Variants in MYBPC1 observed in about 807,000 individuals in gnomAD.
The protein encoded by MYBPC1 is myosin binding protein C1, also known as myosin-binding protein C, slow-type.
A neutral mutation model predicts 147.1 loss-of-function variants in MYBPC1; 52 were observed. That is an observed-to-expected ratio of 0.35 (90% CI 0.28 to 0.45). The LOEUF is 0.45. MYBPC1 is among the 20% of genes least tolerant of loss of function. The pLI is 1.00. For missense variants in MYBPC1, 1,228 were observed against 1,440.3 expected, an observed-to-expected ratio of 0.85 and a Z score of 2.39; for synonymous variants, 477 against 475.9, an observed-to-expected ratio of 1.00 and a Z score of -0.03.
chr12:101,632,860 G>T (rs1434728871), intron 8 of MYBPC1, among the ~76,000 whole-genome samples: 2 of 152,138 alleles, frequency 1.3e-5, no homozygotes, highest in Non-Finnish European at 2.9e-5. Context: ...CTCCCAAATA[G>T]CTGGGATTAC....
chr12:101,599,313 T>C (rs898073412), intron 1 of MYBPC1, among the ~76,000 whole-genome samples: 4 of 152,178 alleles, frequency 2.6e-5, no homozygotes, highest in African/African-American at 7.2e-5. Flanking sequence ...AGTTTTGTTG[T>C]TGTTGTTGTT....
intron 16 of MYBPC1, among the ~76,000 whole-genome samples, chr12:101,651,681 C>A (rs1163377467): frequency 1.3e-5 from 2 of 152,312 alleles, no homozygotes; most frequent in South Asian, 4.2e-4. Context: ...TGGCTCATGC[C>A]TGTAATCCCA....
intron 6 of MYBPC1, among the ~76,000 whole-genome samples, chr12:101,629,866 C>T (rs1889519058): frequency 6.6e-6 from 1 of 151,354 alleles, no homozygotes; most frequent in Admixed American, 6.6e-5. Flanking sequence ...GAGCAAGCCT[C>T]TGTCTCCAAA....
At chr12:101,622,851 A>G (rs1001984132) in intron 3 of MYBPC1, among the ~76,000 whole-genome samples, 2 of 152,206 alleles carry the variant, frequency 1.3e-5, no homozygotes, top group Non-Finnish European at 2.9e-5. Context: ...TGAATCCAAG[A>G]TTGCCAATTG....
chr12:101,667,945 C>T, intron 23 of MYBPC1, 46 bp downstream of exon 23: 3 of 1,589,444 alleles, frequency 1.9e-6, no homozygotes, highest in South Asian at 1.1e-5. Flanking sequence ...TTACATGGTT[C>T]ACTTTTTTTT....
chr12:101,693,226 G>T, the MYBPC1 span, among the ~76,000 whole-genome samples: 1 of 152,084 alleles, frequency 6.6e-6, no homozygotes, highest in Non-Finnish European at 1.5e-5. Flanking sequence ...GATTACAGGC[G>T]TGAGCCACCG....
Position 101,685,575 on chromosome 12 carries a change from T to C in MYBPC1, c.*20-7T>C. ...GATTTGTCTGTTTTCCTTTTGGTCCTCTCTAGGTGGGCTCTCCTTCTGCAG... is the reference window on the plus strand; with the variant it reads ...GATTTGTCTGTTTTCCTTTTGGTCCCCTCTAGGTGGGCTCTCCTTCTGCAG... On this transcript the variant is annotated splice_region_variant and splice_polypyrimidine_tract_variant and intron_variant, in intron 31 of 31. Coordinates refer to ENST00000361466, the MANE Select transcript of MYBPC1 (RefSeq NM_002465.4). The C allele has an allele frequency of 6.6e-7, 1 of 1,516,770 alleles. No individual in the cohort carries two copies. The highest frequency in any genetic ancestry group is 8.9e-7 in the Non-Finnish European group (1 of 1,129,752). 94.0% of individuals were successfully genotyped at this position (1,516,770 alleles called of 1,614,324 possible).
rs567956140 is a variant in MYBPC1 at position 101,679,935 on chromosome 12, A to G, written c.3247-408A>G. ...AGGTCATATACATTCAAGCTGAACAATATGATGATTTGATATATGTACACA... is the reference window on the plus strand; with the variant it reads ...AGGTCATATACATTCAAGCTGAACAGTATGATGATTTGATATATGTACACA... On this transcript the variant is annotated intron_variant, in intron 28 of 31. Coordinates refer to ENST00000361466, the MANE Select transcript of MYBPC1 (RefSeq NM_002465.4). Among the ~76,000 whole-genome samples, 5 of 152,388 alleles carry G rather than the reference A, an allele frequency of 3.3e-5. No individual in the cohort carries two copies. The East Asian group carries it at 9.6e-4, about 29-fold the overall frequency.
intron 22 of MYBPC1, chr12:101,666,894 T>TAC (rs1201276523): frequency 0.13 from 40,441 of 311,592 alleles, 1,286 homozygotes; most frequent in African/African-American, 0.19. Context: ...ATCACATACA[T>TAC]ACACACACAC....
At chr12:101,649,500 GTTTCTATTTGA>G in intron 15 of MYBPC1, 74 bp downstream of exon 15, 1 of 1,532,080 alleles carries the variant, frequency 6.5e-7, no homozygotes, top group South Asian at 1.1e-5. Flanking sequence ...TTTCAGAAAA[GTTTCTATTTGA>G]TTTCTATTTG....
chr12:101,601,190 T>G (rs7964707), intron 1 of MYBPC1, among the ~76,000 whole-genome samples: 2 of 152,220 alleles, frequency 1.3e-5, no homozygotes, highest in East Asian at 1.9e-4. Flanking sequence ...ATTTTCTACA[T>G]GTATGCAAAT....
At chr12:101,654,894 A>G (rs952772416) in intron 18 of MYBPC1, among the ~76,000 whole-genome samples, 11 of 152,192 alleles carry the variant, frequency 7.2e-5, no homozygotes, top group Admixed American at 1.3e-4. Flanking sequence ...AAGTCATAAA[A>G]ACAAGTCTAA....
intron 3 of MYBPC1, among the ~76,000 whole-genome samples, chr12:101,617,619 G>T (rs1054845370): frequency 1.3e-5 from 2 of 152,060 alleles, no homozygotes; most frequent in African/African-American, 4.8e-5. Context: ...ATGTTTTCAT[G>T]TTATTGTGTG....
intron 24 of MYBPC1, among the ~76,000 whole-genome samples, chr12:101,670,890 A>G (rs1192812948): frequency 6.6e-6 from 1 of 152,226 alleles, no homozygotes; most frequent in Non-Finnish European, 1.5e-5. Flanking sequence ...ACTGAAATAT[A>G]TGAACAATAT....
intron 3 of MYBPC1, among the ~76,000 whole-genome samples, chr12:101,625,859 G>A (rs1451799922): frequency 6.6e-6 from 1 of 152,060 alleles, no homozygotes; most frequent in Non-Finnish European, 1.5e-5. Context: ...GCCGAGGCGG[G>A]TGGATCACAA....
At chr12:101,659,938 C>T (rs1565975694) in intron 19 of MYBPC1, 107 bp downstream of exon 19, 1 of 1,408,202 alleles carries the variant, frequency 7.1e-7, no homozygotes, top group East Asian at 2.3e-5. Context: ...TTTGTCTTTC[C>T]CTTATCTTCT....
chr12:101,679,864 T>C (rs916541303), intron 28 of MYBPC1, among the ~76,000 whole-genome samples: 8 of 152,234 alleles, frequency 5.3e-5, no homozygotes, highest in African/African-American at 1.4e-4. Flanking sequence ...CATGGACCTA[T>C]GGATGACATT....
At chr12:101,679,157 A>AG (rs146386238) in intron 28 of MYBPC1, among the ~76,000 whole-genome samples, 5,484 of 152,052 alleles carry the variant, frequency 0.036, 171 homozygotes, top group South Asian at 0.14. Context: ...TCAAAAAAAA[A>AG]AAAAAAAGGA....
intron 6 of MYBPC1, 140 bp downstream of exon 6, chr12:101,629,684 C>G: frequency 7.3e-6 from 5 of 681,500 alleles, no homozygotes; most frequent in Middle Eastern, 3.8e-4. Context: ...ACCAGCCTGG[C>G]CAACATGGTG....
Sources: allele counts gnomAD v4.1 joint callset (sites outside exome capture counted in the v4.1 genomes callset), GRCh38; gene constraint gnomAD v4.1.1; transcripts MANE v1.5; gene names NCBI Gene and HGNC (gene_info 2026-07-23, HGNC 2026-07-21).